The following EYS variants were observed in gnomAD, a reference collection of about 807,000 sequenced individuals.
EYS encodes protein eyes shut homolog.
A neutral mutation model predicts 282.1 loss-of-function variants in EYS; 250 were observed. The ratio of observed to expected loss-of-function variants is 0.89; its 90% CI spans 0.80 to 0.98. EYS has a LOEUF of 0.98. Among genes scored for constraint, EYS ranks in the 50% least tolerant of loss-of-function variants. EYS has a pLI of 0.00. For missense variants in EYS, 4,016 were observed against 3,709.0 expected, an observed-to-expected ratio of 1.08 and a Z score of -2.15; for synonymous variants, 1,355 against 1,282.9, an observed-to-expected ratio of 1.06 and a Z score of -1.20.
At chr6:64,205,411 C>T (rs9362572) in intron 31 of EYS, among the ~76,000 whole-genome samples, 46,850 of 151,794 alleles carry the variant, frequency 0.31, 7,302 homozygotes, top group East Asian at 0.5. Flanking sequence ...ATTAGCCTGA[C>T]GATAATGACC....
chr6:64,958,734 C>CAAAAAAAAAAAAAAAAAAAAAAAA (rs1167094477), intron 14 of EYS, among the ~76,000 whole-genome samples: 1 of 51,680 alleles, frequency 1.9e-5, no homozygotes, highest in Non-Finnish European at 3.3e-5. Context: ...GACTCCGTCT[C>CAAAAAAAAAAAAAAAAAAAAAAAA]AAAAAAAAAA....
chr6:63,773,187 T>C (rs1003186394), intron 40 of EYS, among the ~76,000 whole-genome samples: 1 of 152,248 alleles, frequency 6.6e-6, no homozygotes, highest in African/African-American at 2.4e-5. Flanking sequence ...TAGTGTCTGA[T>C]TCTCTACAGC....
chr6:64,465,732 T>TA (rs34941005), intron 26 of EYS, among the ~76,000 whole-genome samples: 52,043 of 143,822 alleles, frequency 0.36, 8,974 homozygotes, highest in East Asian at 0.48. Flanking sequence ...GCCAAAAAAG[T>TA]AAAAAAAAAA....
intron 19 of EYS, among the ~76,000 whole-genome samples, chr6:64,825,853 G>A (rs1346195505): frequency 1.3e-5 from 2 of 151,310 alleles, no homozygotes; most frequent in East Asian, 3.9e-4. Context: ...TGTAAACTAT[G>A]AATCAAAATT....
At chr6:63,764,060 A>G (rs893768627) in intron 40 of EYS, among the ~76,000 whole-genome samples, 3 of 150,996 alleles carry the variant, frequency 2.0e-5, no homozygotes, top group Non-Finnish European at 3.0e-5. Context: ...ACACTACACT[A>G]AAGAGTACAT....
At chr6:63,744,491 T>A in intron 41 of EYS, 1 of 152,182 alleles carries the variant, frequency 6.6e-6, no homozygotes, top group Non-Finnish European at 1.5e-5. Context: ...ACTTGCAATG[T>A]CCTCTCATAG....
chr6:65,541,572 T>C (rs975683910), intron 2 of EYS, among the ~76,000 whole-genome samples: 3 of 152,166 alleles, frequency 2.0e-5, no homozygotes, highest in African/African-American at 7.2e-5. Context: ...GCTAATTTAA[T>C]TTGAATTTTA....
chr6:63,984,576 G>A lies in EYS; in HGVS notation c.6862C>T (p.His2288Tyr), dbSNP rs376353259. ...TGAATTTGAACATTTGCAGGAATAT[G>A]GCCAAGGAACATTGATTCAAAATAT... ...QAYFESMFLG[H>Y]IPANVQIHKK... The change falls in exon 35 of 43, where the codon CAT (histidine) becomes TAT (tyrosine). Residue 2288 changes from histidine to tyrosine, a missense_variant. By Grantham distance (83) the His-to-Tyr change is moderately conservative (BLOSUM62 2). Coordinates refer to ENST00000503581, the MANE Select transcript of EYS (RefSeq NM_001142800.2). 1.9e-6 allele frequency: 3 copies of A among 1,548,988 alleles called. No individual in the cohort carries two copies. Among genetic ancestry groups the A allele is most frequent in the Non-Finnish European group, 2.6e-6 (3 of 1,145,220 alleles).
At chr6:65,641,882 T>C (rs900660492) in intron 1 of EYS, among the ~76,000 whole-genome samples, 1 of 152,202 alleles carries the variant, frequency 6.6e-6, no homozygotes, top group Non-Finnish European at 1.5e-5. Context: ...CTTGACCTCC[T>C]GGGCTCTAGT....
chr6:64,692,933 C>T (rs1177573093), intron 22 of EYS, among the ~76,000 whole-genome samples: 3 of 78,196 alleles, frequency 3.8e-5, no homozygotes, highest in Non-Finnish European at 5.6e-5. Flanking sequence ...ATGATGATGC[C>T]TCTGGCTTTA....
chr6:64,556,750 G>A (rs934686700), intron 26 of EYS, among the ~76,000 whole-genome samples: 1 of 151,650 alleles, frequency 6.6e-6, no homozygotes, highest in Non-Finnish European at 1.5e-5. Context: ...TGAGGGAGAA[G>A]AAATATTTGA....
intron 2 of EYS, among the ~76,000 whole-genome samples, chr6:65,590,365 T>C (rs1765189573): frequency 6.6e-6 from 1 of 152,056 alleles, no homozygotes; most frequent in African/African-American, 2.4e-5. Flanking sequence ...TGACACGTAA[T>C]ATTTATACAT....
In EYS at chr6:64,338,254, C is replaced by T. The variant is rs867768029; in HGVS notation, c.6079-31172G>A. On this transcript the variant is annotated intron_variant, in intron 29 of 42. Transcript: ENST00000503581. ...CCCTAAAGACTCCTCCAGAAAGCTC[C>T]TAGAACTGATGAAGAATTCAGCAAA... 4.7e-4 allele frequency among the ~76,000 whole-genome samples: 71 copies of T among 152,070 alleles called. No individual in the cohort carries two copies. In the Middle Eastern group the frequency reaches 0.017, roughly 36 times the overall value.
At chr6:63,910,130 T>C (rs1304542926) in intron 35 of EYS, among the ~76,000 whole-genome samples, 2 of 152,086 alleles carry the variant, frequency 1.3e-5, no homozygotes, top group South Asian at 4.1e-4. Context: ...CAGAAATCAA[T>C]GATTTAGAGT....
At chr6:64,564,152 A>G (rs1765486622) in intron 26 of EYS, among the ~76,000 whole-genome samples, 1 of 151,644 alleles carries the variant, frequency 6.6e-6, no homozygotes, top group African/African-American at 2.4e-5. Context: ...GCTGTTTTTA[A>G]GTTTCTGAGG....
intron 13 of EYS, among the ~76,000 whole-genome samples, chr6:65,038,593 A>G (rs1471815375): frequency 6.6e-6 from 1 of 151,488 alleles, no homozygotes; most frequent in Non-Finnish European, 1.5e-5. Context: ...TTGTTTATAT[A>G]AATTGTTATT....
intron 5 of EYS, among the ~76,000 whole-genome samples, chr6:65,414,881 A>T (rs953165897): frequency 6.6e-6 from 1 of 152,108 alleles, no homozygotes; most frequent in Non-Finnish European, 1.5e-5. Context: ...ACTGATATTT[A>T]ATGTTACTAT....
rs67700846 is a variant in EYS, at chr6:64,692,977, C to CTTTTTTTTTTTT, written c.3444-66744_3444-66733dup. 4.9e-3 allele frequency among the ~76,000 whole-genome samples: 56 copies of CTTTTTTTTTTTT among 11,494 alleles called. 14 individuals are homozygous for CTTTTTTTTTTTT. Among genetic ancestry groups the CTTTTTTTTTTTT allele is most frequent in the East Asian group, 7.5e-3 (3 of 398 alleles). The allele number at this position is 11,494 out of a possible 152,430, so 7.5% of individuals were successfully genotyped here. A position where few individuals can be genotyped will look rare whatever the true frequency, so the allele number is the denominator to read the frequency against. ...CTTGGGATTGGTTTGGCTGCTTGGG[C>CTTTTTTTTTTTT]TTTTTTTTTTTTTTTTTTTTTTGGT... On this transcript the variant is annotated intron_variant, in intron 22 of 42. Transcript: ENST00000503581.
chr6:64,433,218 C>A (rs542581155), intron 28 of EYS, among the ~76,000 whole-genome samples: 1 of 152,026 alleles, frequency 6.6e-6, no homozygotes, highest in Admixed American at 6.6e-5. Context: ...TAAGGCAAGA[C>A]CTTTCTCCTA....
Sources: allele counts gnomAD v4.1 joint callset (sites outside exome capture counted in the v4.1 genomes callset), GRCh38; gene constraint gnomAD v4.1.1; transcripts MANE v1.5; gene names NCBI Gene and HGNC (gene_info 2026-07-23, HGNC 2026-07-21).